CA6: variants seen among roughly 807,000 people sequenced by gnomAD.
CA6 encodes carbonic anhydrase 6.
CA6 carries 28 observed loss-of-function variants against 35.9 expected under a neutral mutation model. The observed-to-expected ratio is 0.78, with a 90% CI of 0.58 to 1.07. The LOEUF is 1.07. Among genes scored for constraint, CA6 ranks in the 50% least tolerant of loss-of-function variants. CA6 has a pLI of 0.00. For missense variants in CA6, 377 were observed against 382.0 expected, an observed-to-expected ratio of 0.99 and a Z score of 0.11; for synonymous variants, 148 against 152.6, an observed-to-expected ratio of 0.97 and a Z score of 0.22.
At chr1:8,974,329 A>T (rs1388319688) in intron 7 of CA6, 1 of 1,428,906 alleles carries the variant, frequency 7.0e-7, no homozygotes, top group East Asian at 2.6e-5. Flanking sequence ...TTACTAGAAA[A>T]CGCCTATATC....
At chr1:8,949,768 C>T (rs961572055) in intron 2 of CA6, among the ~76,000 whole-genome samples, 1 of 152,136 alleles carries the variant, frequency 6.6e-6, no homozygotes, top group South Asian at 2.1e-4. Context: ...CCCACGGGGG[C>T]TTTCTGTCCA....
chr1:8,969,216 G>A (rs964446795), intron 6 of CA6, among the ~76,000 whole-genome samples: 1 of 151,988 alleles, frequency 6.6e-6, no homozygotes, highest in African/African-American at 2.4e-5. Flanking sequence ...TCAGGAGGCT[G>A]AGGCAGGAGA....
intron 3 of CA6, among the ~76,000 whole-genome samples, chr1:8,958,357 G>T (rs1026925726): frequency 6.6e-6 from 1 of 151,798 alleles, no homozygotes; most frequent in African/African-American, 2.4e-5. Flanking sequence ...TAGTAGAGAC[G>T]GGGTTTCGCC....
At chr1:8,957,687 G>C (rs1217603922) in intron 3 of CA6, among the ~76,000 whole-genome samples, 2 of 149,920 alleles carry the variant, frequency 1.3e-5, no homozygotes, top group East Asian at 2.0e-4. Flanking sequence ...ACTGGCTCAC[G>C]CCTGTAATTC....
chr1:8,951,334 G>A (rs1347356172), intron 2 of CA6: 1 of 641,226 alleles, frequency 1.6e-6, no homozygotes, highest in African/African-American at 1.8e-5. Context: ...GTGGCCAGGA[G>A]CCCTGAAATA....
intron 6 of CA6, 106 bp downstream of exon 6, chr1:8,967,922 T>C: frequency 9.8e-7 from 1 of 1,024,918 alleles, no homozygotes; most frequent in Non-Finnish European, 1.4e-6. Flanking sequence ...GGTCCTACAG[T>C]ATTTTCTGTG....
At position 8,957,120 on chromosome 1, in the gene CA6, C is replaced by T; in HGVS notation, c.260-17C>T. 2 of 1,584,912 alleles carry T rather than the reference C, an allele frequency of 1.3e-6. No homozygotes were observed. Among genetic ancestry groups the T allele is most frequent in the Non-Finnish European group, 1.7e-6 (2 of 1,161,668 alleles). On this transcript the variant is annotated splice_polypyrimidine_tract_variant and intron_variant, in intron 2 of 7. Transcript: ENST00000377443. Reference sequence around the variant, plus strand: ...GTGTTCACCTACTCTGCTCTCAGCCCCACCTTGTCTCTCCAGTGCAGATCA... The same window carrying T: ...GTGTTCACCTACTCTGCTCTCAGCCTCACCTTGTCTCTCCAGTGCAGATCA...
At chr1:8,957,625 G>T (rs1639724892) in intron 3 of CA6, among the ~76,000 whole-genome samples, 1 of 151,586 alleles carries the variant, frequency 6.6e-6, no homozygotes, top group Non-Finnish European at 1.5e-5. Context: ...ATAGGCGTGA[G>T]CCACAGTGCC....
chr1:8,966,433 A>C (rs984169513), intron 5 of CA6, among the ~76,000 whole-genome samples: 5 of 152,114 alleles, frequency 3.3e-5, no homozygotes, highest in Non-Finnish European at 7.4e-5. Flanking sequence ...TTGAGGAACT[A>C]TTATACCATT....
chr1:8,958,066 G>T (rs955066191), intron 3 of CA6, among the ~76,000 whole-genome samples: 1 of 152,190 alleles, frequency 6.6e-6, no homozygotes, highest in African/African-American at 2.4e-5. Context: ...AGGGGTTCAG[G>T]CAAGGTCCTG....
chr1:8,966,724 A>G (rs1639977996), intron 5 of CA6, among the ~76,000 whole-genome samples: 1 of 152,156 alleles, frequency 6.6e-6, no homozygotes, highest in Non-Finnish European at 1.5e-5. Context: ...AATCCAACTC[A>G]ATCCTGTGTT....
chr1:8,950,167 G>A (rs746522674), intron 2 of CA6, among the ~76,000 whole-genome samples: 11 of 151,992 alleles, frequency 7.2e-5, no homozygotes, highest in East Asian at 3.9e-4. Context: ...ATTTTTAGTA[G>A]AGACGAGGTT....
chr1:8,954,865 G>A (rs1639632207), intron 2 of CA6, among the ~76,000 whole-genome samples: 1 of 152,076 alleles, frequency 6.6e-6, no homozygotes, highest in Non-Finnish European at 1.5e-5. Flanking sequence ...GTGAGCTGCC[G>A]GGCCTGGCCT....
At chr1:8,946,971 C>T (rs1197038189) in intron 1 of CA6, among the ~76,000 whole-genome samples, 2 of 151,658 alleles carry the variant, frequency 1.3e-5, no homozygotes, top group African/African-American at 2.4e-5. Flanking sequence ...GCCTGGCTAA[C>T]TTTTGTATTT....
intron 2 of CA6, among the ~76,000 whole-genome samples, chr1:8,949,744 C>G (rs547758903): frequency 3.9e-4 from 60 of 152,264 alleles, no homozygotes; most frequent in African/African-American, 1.4e-3. Context: ...GGCCGTGCTG[C>G]TGAAGCCACC....
intron 7 of CA6, among the ~76,000 whole-genome samples, chr1:8,973,487 T>G (rs779636289): frequency 2.1e-4 from 32 of 152,178 alleles, no homozygotes; most frequent in Non-Finnish European, 4.0e-4. Flanking sequence ...GGGTCAGATG[T>G]TCTAGGTACC....
In CA6 at chr1:8,949,254, C is replaced by T. The variant is rs1639453223; in HGVS notation, c.80-9C>T. 3 of 1,582,936 alleles carry T rather than the reference C, an allele frequency of 1.9e-6. No individual in the cohort carries two copies. The East Asian group carries it at 6.9e-5, about 37-fold the overall frequency. On this transcript the variant is annotated splice_polypyrimidine_tract_variant and intron_variant, in intron 1 of 7. Transcript: ENST00000377443. The stretch of plus-strand genomic sequence containing the variant: ...GGCAGCCCCTTGAACTGTGTCTTTC[C>T]TGTCTTAGAAGGGGCACTGGACGAA...
intron 2 of CA6, among the ~76,000 whole-genome samples, chr1:8,955,035 C>T (rs530679943): frequency 1.6e-5 from 1 of 61,768 alleles, no homozygotes; most frequent in African/African-American, 4.5e-5. Context: ...GTTGGTGGGC[C>T]GGCACTGATC....
Position 8,958,948 on chromosome 1 carries a change from T to C in CA6, c.447T>C (p.Tyr149=). Residue 149 remains tyrosine (Y), a synonymous_variant, in exon 4 of 8, where the codon TAT becomes TAC. Transcript: ENST00000377443. ...ACTACAATTCTAAATACAAGAGCTATGATATAGCCCAAGATGCGCCGGATG... is the reference window on the plus strand; with the variant it reads ...ACTACAATTCTAAATACAAGAGCTACGATATAGCCCAAGATGCGCCGGATG... ...IVHYNSKYKS[Y]DIAQDAPDGL... The C allele has an allele frequency of 1.2e-6, 2 of 1,613,058 alleles. No homozygotes were observed. The highest frequency in any genetic ancestry group is 1.1e-5 in the South Asian group (1 of 90,962).
Sources: allele counts gnomAD v4.1 joint callset (sites outside exome capture counted in the v4.1 genomes callset), GRCh38; gene constraint gnomAD v4.1.1; transcripts MANE v1.5; gene names NCBI Gene and HGNC (gene_info 2026-07-23, HGNC 2026-07-21).